Variants in TSNARE1 observed in about 807,000 individuals in gnomAD.
TSNARE1 encodes the protein t-SNARE domain-containing protein 1.
TSNARE1 carries 49 observed loss-of-function variants against 62.0 expected under a neutral mutation model. The observed-to-expected ratio is 0.79, with a 90% CI of 0.63 to 1.00. TSNARE1 has a LOEUF of 1.00. TSNARE1 is among the 50% of genes least tolerant of loss of function. The probability of loss-of-function intolerance (pLI) is 0.00; values close to 1 mark genes in which losing one functional copy is unlikely to be tolerated. For synonymous variants in TSNARE1, 328 were observed against 294.4 expected, an observed-to-expected ratio of 1.11 and a Z score of -1.17; for missense variants, 755 against 700.1, an observed-to-expected ratio of 1.08 and a Z score of -0.88.
intron 2 of TSNARE1, among the ~76,000 whole-genome samples, chr8:142,354,354 C>T (rs968541056): frequency 2.0e-5 from 3 of 152,012 alleles, no homozygotes; most frequent in East Asian, 1.9e-4. Flanking sequence ...CCAAACACCC[C>T]GAGCACCACC....
At chr8:142,275,993 C>A (rs943383700) in intron 11 of TSNARE1, 2 of 985,448 alleles carry the variant, frequency 2.0e-6, no homozygotes, top group African/African-American at 3.5e-5. Flanking sequence ...AACCCATGAG[C>A]CCTGCCTTCA....
intron 9 of TSNARE1, among the ~76,000 whole-genome samples, chr8:142,308,341 C>T (rs533649356): frequency 3.9e-5 from 6 of 152,244 alleles, no homozygotes; most frequent in South Asian, 2.1e-4. Context: ...CCTTATCTTT[C>T]GCACGTGGGT....
intron 9 of TSNARE1, among the ~76,000 whole-genome samples, chr8:142,305,595 A>T (rs1004540599): frequency 1.3e-5 from 2 of 152,166 alleles, no homozygotes; most frequent in Non-Finnish European, 2.9e-5. Context: ...GACAAAAGCC[A>T]GGGGAGGAAG....
Position 142,315,047 on chromosome 8 carries a change from T to C in TSNARE1, c.1030A>G (p.Thr344Ala), listed in dbSNP as rs769703582. 1.7e-5 allele frequency: 28 copies of C among 1,613,926 alleles called. No individual in the cohort carries two copies. The highest frequency in any genetic ancestry group is 2.2e-5 in the Non-Finnish European group (26 of 1,179,972). Reference sequence around the variant, plus strand: ...CACTGAATGGCATCTGAGAGCTGGGTTTTCAGCCGGTCCAGCTGAGGACGC... The same window carrying C: ...CACTGAATGGCATCTGAGAGCTGGGCTTTCAGCCGGTCCAGCTGAGGACGC... ...QERPQLDRLK[T>A]QLSDAIQCYG... is the part of the protein sequence containing the mutation. Residue 344 changes from threonine (T) to alanine (A), a missense_variant, in exon 8 of 14, where the codon ACC becomes GCC. Physicochemically the swap from Thr to Ala is moderately conservative, Grantham distance 58. Coordinates refer to ENST00000524325, the MANE Select transcript of TSNARE1 (RefSeq NM_145003.5).
At chr8:142,275,327 C>T (rs1008244857) in intron 11 of TSNARE1, 12 of 985,432 alleles carry the variant, frequency 1.2e-5, no homozygotes, top group Non-Finnish European at 1.4e-5. Context: ...CTCTGGTTTG[C>T]CACACGCACT....
At chr8:142,374,982 C>T (rs1202828716) in intron 1 of TSNARE1, among the ~76,000 whole-genome samples, 1 of 152,200 alleles carries the variant, frequency 6.6e-6, no homozygotes, top group Non-Finnish European at 1.5e-5. Flanking sequence ...TAGTTCCTGT[C>T]CCCTTTCCCC....
rs1436025755 is a variant in TSNARE1, at chr8:142,319,979, C to T, written c.894-1345G>A. 6.6e-6 allele frequency among the ~76,000 whole-genome samples: 1 copy of T among 152,144 alleles called. No homozygotes were observed. Among genetic ancestry groups the T allele is most frequent in the Non-Finnish European group, 1.5e-5 (1 of 68,008 alleles). ...GGAGAGCCTCCAGTGCCTCCAGCTC[C>T]CAAACACGCCTCTTCGGCCAACCAC... On this transcript the variant is annotated intron_variant, in intron 6 of 13. Transcript: ENST00000524325. This position sits in a 1 kb window ranked among gnomAD's most constrained non-coding sequence, Gnocchi z 4.9.
chr8:142,288,826 G>A (rs1291861366), intron 10 of TSNARE1, among the ~76,000 whole-genome samples: 11 of 152,254 alleles, frequency 7.2e-5, no homozygotes, highest in Middle Eastern at 3.2e-3. Flanking sequence ...CACAGCCAGC[G>A]CGGGGGACAC....
intron 2 of TSNARE1, among the ~76,000 whole-genome samples, chr8:142,347,919 C>G (rs972889304): frequency 6.6e-6 from 1 of 152,234 alleles, no homozygotes; most frequent in South Asian, 2.1e-4. Context: ...TCCACTCACC[C>G]AAGTCCAGGT....
At chr8:142,330,630 A>G (rs546680050) in intron 6 of TSNARE1, among the ~76,000 whole-genome samples, 78 of 152,362 alleles carry the variant, frequency 5.1e-4, no homozygotes, top group Non-Finnish European at 7.1e-4. Context: ...ACCTTAGCAC[A>G]CAGGTGCACC....
Position 142,345,728 on chromosome 8 carries a change from G to A in TSNARE1, c.238+15C>T, listed in dbSNP as rs199875772. 343 of 1,574,846 alleles carry A rather than the reference G, an allele frequency of 2.2e-4. No individual in the cohort carries two copies. Among genetic ancestry groups the A allele is most frequent in the Admixed American group, 5.7e-4 (32 of 55,912 alleles). ...CTTCCCAGGACCCCTGAGACCCAGC[G>A]TCTGAGTGAAGTACCTCGCTTCCTG... On this transcript the variant is annotated intron_variant, in intron 3 of 13. Coordinates refer to ENST00000524325, the MANE Select transcript of TSNARE1 (RefSeq NM_145003.5).
At chr8:142,357,100 A>T (rs533594940) in intron 1 of TSNARE1, among the ~76,000 whole-genome samples, 17 of 152,344 alleles carry the variant, frequency 1.1e-4, no homozygotes, top group African/African-American at 4.1e-4. Flanking sequence ...AGCCCTGCAC[A>T]GGCACTTCTC....
intron 1 of TSNARE1, among the ~76,000 whole-genome samples, chr8:142,370,005 G>GA (rs1307763447): frequency 6.6e-6 from 1 of 152,140 alleles, no homozygotes; most frequent in Non-Finnish European, 1.5e-5. Flanking sequence ...AGGAGGTAAT[G>GA]AGATCATGGA....
At chr8:142,345,628 T>A in intron 3 of TSNARE1, 115 bp downstream of exon 3, 1 of 1,305,616 alleles carries the variant, frequency 7.7e-7, no homozygotes, top group South Asian at 1.6e-5. Context: ...GTCCCTTGCC[T>A]CCTGGTCCCA....
intron 12 of TSNARE1, among the ~76,000 whole-genome samples, chr8:142,246,270 G>A (rs117808600): frequency 6.6e-6 from 1 of 152,274 alleles, no homozygotes; most frequent in East Asian, 1.9e-4. Context: ...GAGATGGCAG[G>A]GCTGGGCTGA....
At chr8:142,223,349 TTCAC>T (rs1315161322) in intron 13 of TSNARE1, among the ~76,000 whole-genome samples, 5 of 39,162 alleles carry the variant, frequency 1.3e-4, no homozygotes, top group Admixed American at 2.7e-4. Context: ...CATTCACTCA[TTCAC>T]TCACTCACTC....
chr8:142,222,680 TCATC>T (rs756124148), intron 13 of TSNARE1, among the ~76,000 whole-genome samples: 3,252 of 78,212 alleles, frequency 0.042, 417 homozygotes, highest in African/African-American at 0.14. Context: ...ACTCATCCAC[TCATC>T]CACTCACTCA....
At position 142,218,062 on chromosome 8, in the gene TSNARE1, G is replaced by A. The variant is rs200271683; in HGVS notation, c.*12-5749C>T. 9.5e-4 allele frequency among the ~76,000 whole-genome samples: 68 copies of A among 71,754 alleles called. 15 individuals are homozygous for A. The highest frequency in any genetic ancestry group is 2.4e-3 in the African/African-American group (36 of 14,856). 47.1% of individuals were successfully genotyped at this position (71,754 alleles called of 152,430 possible). ...TGTGACCAGGATCAGGGCTCAGAGT[G>A]TGAGCAGGATCAGGGTTCAGAGAGT... On this transcript the variant is annotated intron_variant, in intron 13 of 13. Coordinates refer to ENST00000524325, the MANE Select transcript of TSNARE1 (RefSeq NM_145003.5).
rs144639116 is a variant in TSNARE1, at chr8:142,312,113, T to C, written c.1131+2271A>G. ...CTGCATTGTACTTATTGGATGAACATTCCTCATCAAAAATCCAAAAACCTA... is the reference window on the plus strand; with the variant it reads ...CTGCATTGTACTTATTGGATGAACACTCCTCATCAAAAATCCAAAAACCTA... On this transcript the variant is annotated intron_variant, in intron 9 of 13. Transcript: ENST00000524325. 6.0e-4 allele frequency among the ~76,000 whole-genome samples: 91 copies of C among 152,346 alleles called. 1 individual carries two copies. The highest frequency in any genetic ancestry group is 2.1e-3 in the African/African-American group (88 of 41,588).
Sources: gnomAD v4.1 joint callset for allele counts (sites outside exome capture counted in the v4.1 genomes callset) on GRCh38, gnomAD v4.1.1 for gene constraint, Gnocchi (gnomAD v3.1) non-coding constraint, MANE v1.5 for transcripts, NCBI Gene and HGNC (gene_info 2026-07-23, HGNC 2026-07-21) for gene names.